The following ADAMTS12 variants were observed in gnomAD, a reference collection of about 807,000 sequenced individuals.
The protein encoded by ADAMTS12 is A disintegrin and metalloproteinase with thrombospondin motifs 12.
A neutral mutation model predicts 167.8 loss-of-function variants in ADAMTS12; 118 were observed. That is an observed-to-expected ratio of 0.70 (90% CI 0.61 to 0.82). The LOEUF is 0.82. ADAMTS12 is among the 40% of genes least tolerant of loss of function. The pLI, the probability that ADAMTS12 is intolerant of heterozygous loss-of-function variation, is 0.00. For synonymous variants in ADAMTS12, 704 were observed against 716.9 expected (o/e 0.98, Z 0.29); for missense variants, 1,916 against 1,998.8 (o/e 0.96, Z 0.79).
intron 20 of ADAMTS12, among the ~76,000 whole-genome samples, chr5:33,550,076 A>G (rs1745181656): frequency 6.6e-6 from 1 of 152,010 alleles, no homozygotes. Flanking sequence ...GATAGCCACT[A>G]CACAGGCCCT....
chr5:33,856,582 C>T (rs1166464390), intron 2 of ADAMTS12, among the ~76,000 whole-genome samples: 1 of 151,534 alleles, frequency 6.6e-6, no homozygotes, highest in Admixed American at 6.6e-5. Flanking sequence ...CATAGTGAGA[C>T]CCCATCTCTA....
intron 2 of ADAMTS12, among the ~76,000 whole-genome samples, chr5:33,880,459 T>A (rs535260628): frequency 2.0e-5 from 3 of 152,248 alleles, no homozygotes; most frequent in Non-Finnish European, 4.4e-5. Context: ...TGTTGCAGTT[T>A]GAAAACAGCC....
chr5:33,712,317 T>C (rs1022727110), intron 3 of ADAMTS12, among the ~76,000 whole-genome samples: 6 of 152,152 alleles, frequency 3.9e-5, no homozygotes, highest in African/African-American at 1.4e-4. Context: ...GGTCTCAACA[T>C]ATCCCCCAAA....
chr5:33,732,109 G>C (rs927354927), intron 3 of ADAMTS12, among the ~76,000 whole-genome samples: 2 of 152,148 alleles, frequency 1.3e-5, no homozygotes, highest in Non-Finnish European at 2.9e-5. Flanking sequence ...AGGCTGAGCA[G>C]AATAGGGTGC....
chr5:33,702,439 T>A (rs964531855), intron 3 of ADAMTS12, among the ~76,000 whole-genome samples: 1 of 152,212 alleles, frequency 6.6e-6, no homozygotes, highest in Non-Finnish European at 1.5e-5. Flanking sequence ...CATCATCTCC[T>A]GTGTTTTTAA....
chr5:33,825,324 G>A (rs369609411), intron 2 of ADAMTS12, among the ~76,000 whole-genome samples: 26 of 152,288 alleles, frequency 1.7e-4, no homozygotes, highest in African/African-American at 5.5e-4. Context: ...AGAACACAGA[G>A]TACGTGCAAG....
At chr5:33,550,860 G>A (rs1270889842) in intron 20 of ADAMTS12, among the ~76,000 whole-genome samples, 1 of 150,604 alleles carries the variant, frequency 6.6e-6, no homozygotes, top group African/African-American at 2.4e-5. Flanking sequence ...CAGTGTAGAT[G>A]GCCATTATGA....
chr5:33,575,482 C>T (rs1453243075), intron 19 of ADAMTS12, among the ~76,000 whole-genome samples: 1 of 152,174 alleles, frequency 6.6e-6, no homozygotes, highest in Admixed American at 6.5e-5. Flanking sequence ...CAGCCGAATG[C>T]CCAGGCTTCC....
At chr5:33,778,785 A>T (rs556643918) in intron 2 of ADAMTS12, among the ~76,000 whole-genome samples, 1 of 152,268 alleles carries the variant, frequency 6.6e-6, no homozygotes, top group African/African-American at 2.4e-5. Context: ...GATAAGGGGT[A>T]AATATCCAAA....
intron 2 of ADAMTS12, chr5:33,840,004 AT>A (rs913806590): frequency 6.6e-6 from 1 of 152,246 alleles, no homozygotes; most frequent in African/African-American, 2.4e-5. Context: ...ATGTATTTTG[AT>A]GAAAAGATAA....
Position 33,682,488 on chromosome 5 carries a change from A to ATAAGACTTACATTTAAGTCTTATATAT in ADAMTS12, c.915+503_915+529dup, listed in dbSNP as rs565945662. On this transcript the variant is annotated intron_variant, in intron 5 of 23. Transcript: ENST00000504830. ...TAACATATAAGTCTCTTACATTTAT[A>ATAAGACTTACATTTAAGTCTTATATAT]TAAGACTTACATTTAAGTCTTATAT... 2.0e-3 allele frequency among the ~76,000 whole-genome samples: 308 copies of ATAAGACTTACATTTAAGTCTTATATAT among 152,338 alleles called. 2 individuals carry two copies. Among genetic ancestry groups the ATAAGACTTACATTTAAGTCTTATATAT allele is most frequent in the African/African-American group, 6.6e-3 (274 of 41,566 alleles).
chr5:33,762,146 C>A (rs961283010), intron 2 of ADAMTS12, among the ~76,000 whole-genome samples: 1 of 151,536 alleles, frequency 6.6e-6, no homozygotes, highest in East Asian at 1.9e-4. Context: ...GAGCCAAGAT[C>A]GTGCCACTGC....
Position 33,527,165 on chromosome 5 carries a change from T to C in ADAMTS12, c.*23A>G, listed in dbSNP as rs371337241. 6.2e-7 allele frequency: 1 copy of C among 1,613,452 alleles called. No homozygotes were observed. Among genetic ancestry groups the C allele is most frequent in the African/African-American group, 1.3e-5 (1 of 74,904 alleles). ...TGGTCAGCAGGCTGCTGCAGTCTGG[T>C]GGAAGCTGGCTTCCTTTTGGGCTTA... On this transcript the variant is annotated 3_prime_UTR_variant, in exon 24 of 24. Coordinates refer to ENST00000504830, the MANE Select transcript of ADAMTS12 (RefSeq NM_030955.4).
chr5:33,632,336 C>G (rs1199066153), intron 12 of ADAMTS12, among the ~76,000 whole-genome samples: 1 of 151,896 alleles, frequency 6.6e-6, no homozygotes, highest in East Asian at 1.9e-4. Context: ...GAACCCCAAT[C>G]CCTACCATTA....
chr5:33,626,969 G>T (rs1003282952), intron 13 of ADAMTS12, among the ~76,000 whole-genome samples: 5 of 150,614 alleles, frequency 3.3e-5, no homozygotes, highest in African/African-American at 1.2e-4. Context: ...GTGGTTATGT[G>T]GTAGTGGTAA....
At chr5:33,797,842 T>C (rs560718111) in intron 2 of ADAMTS12, among the ~76,000 whole-genome samples, 8 of 152,310 alleles carry the variant, frequency 5.3e-5, no homozygotes, top group Admixed American at 3.3e-4. Context: ...TCCACAAATA[T>C]GCTACACAAA....
At chr5:33,688,302 C>T (rs1742418693) in intron 3 of ADAMTS12, among the ~76,000 whole-genome samples, 1 of 152,080 alleles carries the variant, frequency 6.6e-6, no homozygotes, top group African/African-American at 2.4e-5. Context: ...CAGAGAAATC[C>T]AGCCAAACGG....
At chr5:33,883,620 A>G (rs1750534339) in intron 1 of ADAMTS12, among the ~76,000 whole-genome samples, 1 of 152,156 alleles carries the variant, frequency 6.6e-6, no homozygotes, top group Non-Finnish European at 1.5e-5. Flanking sequence ...TGGAAAATAC[A>G]CACACACTAA....
chr5:33,688,648 C>T (rs1306685918), intron 3 of ADAMTS12, among the ~76,000 whole-genome samples: 1 of 152,128 alleles, frequency 6.6e-6, no homozygotes, highest in Non-Finnish European at 1.5e-5. Flanking sequence ...TGGAGTAGTG[C>T]TAGGGAGCAA....
Sources: gnomAD v4.1 joint callset for allele counts (sites outside exome capture counted in the v4.1 genomes callset) on GRCh38, gnomAD v4.1.1 for gene constraint, MANE v1.5 for transcripts, NCBI Gene and HGNC (gene_info 2026-07-23, HGNC 2026-07-21) for gene names.